The following KCND3 variants were observed in gnomAD, a reference collection of about 807,000 sequenced individuals.
KCND3 encodes the protein potassium voltage-gated channel subfamily D member 3, also known as A-type voltage-gated potassium channel KCND3.
In KCND3, 9 loss-of-function variants were observed where a neutral mutation model predicts 51.1. That is an observed-to-expected ratio of 0.18 (90% CI 0.11 to 0.31). The LOEUF is 0.31. KCND3 is among the 10% of genes least tolerant of loss of function. The pLI, the probability that KCND3 is intolerant of heterozygous loss-of-function variation, is 1.00. For missense variants in KCND3, 526 were observed against 903.8 expected (o/e 0.58, Z 5.36); for synonymous variants, 349 against 368.0 (o/e 0.95, Z 0.59).
At chr1:111,924,078 G>A (rs932363445) in intron 2 of KCND3, among the ~76,000 whole-genome samples, 2 of 152,218 alleles carry the variant, frequency 1.3e-5, no homozygotes, top group Non-Finnish European at 2.9e-5. Flanking sequence ...GCTCATGGCA[G>A]CACAGGCCAC....
chr1:111,868,850 C>T (rs1390300089), intron 2 of KCND3, among the ~76,000 whole-genome samples: 1 of 152,178 alleles, frequency 6.6e-6, no homozygotes, highest in African/African-American at 2.4e-5. Flanking sequence ...ATCCTCCCAT[C>T]TTAGCCTTCT....
chr1:111,928,140 A>C (rs1406930600), intron 2 of KCND3, among the ~76,000 whole-genome samples: 1 of 152,172 alleles, frequency 6.6e-6, no homozygotes, highest in Non-Finnish European at 1.5e-5. Flanking sequence ...TCCCATTAGA[A>C]TATAAGTTCC....
intron 2 of KCND3, among the ~76,000 whole-genome samples, chr1:111,876,611 A>G (rs183687921): frequency 3.3e-5 from 5 of 152,330 alleles, no homozygotes; most frequent in Admixed American, 2.0e-4. Context: ...ATCTGCTCCC[A>G]AACACTCATG....
At chr1:111,836,875 C>G (rs1667092643) in intron 2 of KCND3, among the ~76,000 whole-genome samples, 1 of 152,154 alleles carries the variant, frequency 6.6e-6, no homozygotes. Flanking sequence ...AAACTCCATC[C>G]CCGGTACCCT....
At chr1:111,854,081 G>A (rs1452938624) in intron 2 of KCND3, 1 of 152,186 alleles carries the variant, frequency 6.6e-6, no homozygotes, top group Non-Finnish European at 1.5e-5. Context: ...GTCAGAACAT[G>A]GGGCCCCTCA....
intron 2 of KCND3, among the ~76,000 whole-genome samples, chr1:111,941,324 GC>G (rs1672508185): frequency 1.3e-5 from 2 of 152,168 alleles, no homozygotes; most frequent in South Asian, 4.1e-4. Flanking sequence ...CCCCTTGCAG[GC>G]CCCCTCCTAC....
At chr1:111,952,169 C>G (rs771685088) in intron 2 of KCND3, among the ~76,000 whole-genome samples, 1 of 152,146 alleles carries the variant, frequency 6.6e-6, no homozygotes, top group Non-Finnish European at 1.5e-5. Context: ...CTTAGGGGGT[C>G]GGGAGTCACA....
At chr1:111,819,726 T>C (rs1354963377) in intron 2 of KCND3, among the ~76,000 whole-genome samples, 7 of 152,298 alleles carry the variant, frequency 4.6e-5, no homozygotes, top group Non-Finnish European at 7.4e-5. Context: ...CTCCTCAGGC[T>C]GGGAAGTGTT....
chr1:111,857,969 A>T (rs1668158751), intron 2 of KCND3, among the ~76,000 whole-genome samples: 1 of 152,024 alleles, frequency 6.6e-6, no homozygotes, highest in South Asian at 2.1e-4. Flanking sequence ...AATTTTTCTG[A>T]TTCTCGCAAT....
intron 2 of KCND3, among the ~76,000 whole-genome samples, chr1:111,794,446 A>G (rs1664972299): frequency 6.6e-6 from 1 of 152,212 alleles, no homozygotes; most frequent in Non-Finnish European, 1.5e-5. Context: ...TGGGAGCTCA[A>G]CCAGGGAGAC....
chr1:111,828,883 G>A (rs770586477), intron 2 of KCND3, among the ~76,000 whole-genome samples: 10 of 152,184 alleles, frequency 6.6e-5, no homozygotes, highest in Non-Finnish European at 1.5e-4. Context: ...TTATACCCCA[G>A]ACTGGATTCC....
intron 2 of KCND3, among the ~76,000 whole-genome samples, chr1:111,967,969 C>T (rs17676578): frequency 0.01 from 1,526 of 152,320 alleles, 18 homozygotes; most frequent in Middle Eastern, 0.037. Flanking sequence ...TTCAGGCAAC[C>T]TATGTGGGCC....
chr1:111,890,118 G>A (rs1385195606), intron 2 of KCND3, among the ~76,000 whole-genome samples: 1 of 152,200 alleles, frequency 6.6e-6, no homozygotes, highest in Admixed American at 6.5e-5. Flanking sequence ...ATGAAATGGG[G>A]AGGAATTGTA....
chr1:111,834,160 C>T (rs1487621146), intron 2 of KCND3, among the ~76,000 whole-genome samples: 1 of 152,192 alleles, frequency 6.6e-6, no homozygotes, highest in East Asian at 1.9e-4. Context: ...ATCTAGCTCT[C>T]TCCCTGTTCC....
rs771430027 is a variant in KCND3 at position 111,982,715 on chromosome 1, T to G, written c.12A>C (p.Gly4=). 1 of 1,602,226 alleles carries G rather than the reference T, an allele frequency of 6.2e-7. No homozygotes were observed. Among genetic ancestry groups the G allele is most frequent in the Non-Finnish European group, 8.5e-7 (1 of 1,178,930 alleles). ...GGGCAAAAGGCAGCCAGGCCGCAACTCCGGCCGCCATGGTGACTCCAGCTC... is the reference window on the plus strand; with the variant it reads ...GGGCAAAAGGCAGCCAGGCCGCAACGCCGGCCGCCATGGTGACTCCAGCTC... MAA[G]VAAWLPFARA... The change falls in exon 2 of 8, where the codon GGA becomes GGC. Residue 4 remains glycine, a synonymous_variant. Transcript: ENST00000302127. This position sits in a 1 kb window ranked among gnomAD's most constrained non-coding sequence, Gnocchi z 8.5.
At chr1:111,945,819 A>G (rs568822601) in intron 2 of KCND3, among the ~76,000 whole-genome samples, 2 of 152,266 alleles carry the variant, frequency 1.3e-5, no homozygotes, top group Admixed American at 6.5e-5. Context: ...GCCCACACCA[A>G]TTAGGGTCCT....
chr1:111,957,462 C>T (rs1176821137), intron 2 of KCND3, among the ~76,000 whole-genome samples: 1 of 152,218 alleles, frequency 6.6e-6, no homozygotes, highest in Non-Finnish European at 1.5e-5. Context: ...GCAGCTTAAC[C>T]TCTATGCCTT....
intron 2 of KCND3, among the ~76,000 whole-genome samples, chr1:111,880,912 G>A (rs1006502855): frequency 8.6e-5 from 13 of 152,004 alleles, no homozygotes; most frequent in Non-Finnish European, 1.6e-4. Flanking sequence ...CTCTCGGTCC[G>A]TCCCAGCCCC....
chr1:111,897,515 T>C (rs1390692424), intron 2 of KCND3, among the ~76,000 whole-genome samples: 4 of 152,176 alleles, frequency 2.6e-5, no homozygotes, highest in African/African-American at 9.7e-5. Flanking sequence ...CAGCTCGGTG[T>C]GTGGCGCCCT....
Sources: allele counts gnomAD v4.1 joint callset (sites outside exome capture counted in the v4.1 genomes callset), GRCh38; gene constraint gnomAD v4.1.1; non-coding constraint Gnocchi (gnomAD v3.1); transcripts MANE v1.5; gene names NCBI Gene and HGNC (gene_info 2026-07-23, HGNC 2026-07-21).